The following CACNA1C variants were observed in gnomAD, a reference collection of about 807,000 sequenced individuals.
CACNA1C encodes the protein calcium voltage-gated channel subunit alpha1 C.
In CACNA1C, 30 loss-of-function variants were observed where a neutral mutation model predicts 229.0. That is an observed-to-expected ratio of 0.13 (90% CI 0.10 to 0.18). The LOEUF (loss-of-function observed/expected upper bound fraction) is 0.18. Among genes scored for constraint, CACNA1C ranks in the 10% least tolerant of loss-of-function variants. The pLI, the probability that CACNA1C is intolerant of heterozygous loss-of-function variation, is 1.00. For synonymous variants in CACNA1C, 1,114 were observed against 1,132.5 expected (o/e 0.98, Z 0.33); for missense variants, 1,658 against 2,845.0 (o/e 0.58, Z 9.49).
intron 7 of CACNA1C, among the ~76,000 whole-genome samples, chr12:2,501,545 C>T (rs990639146): frequency 3.9e-5 from 6 of 152,226 alleles, no homozygotes; most frequent in Non-Finnish European, 8.8e-5. Flanking sequence ...AATGACCTCA[C>T]GGTTCCCATC....
rs2097295552 is a variant in CACNA1C at position 2,354,414 on chromosome 12, C to T, written c.478-94562C>T. On this transcript the variant is annotated intron_variant, in intron 3 of 46. Transcript: ENST00000399655. This position sits in a 1 kb window ranked among gnomAD's most constrained non-coding sequence, Gnocchi z 4.6. The stretch of plus-strand genomic sequence containing the variant: ...ATCTTTCTTTAGAGGAGCGAAAACA[C>T]AGCTAGCCAGGGCTGCAGCTATGAC... Among the ~76,000 whole-genome samples, 1 of 152,148 alleles carries T rather than the reference C, an allele frequency of 6.6e-6. No individual in the cohort carries two copies.
At chr12:2,003,000 A>G (rs948089150) in intron 1 of CACNA1C, among the ~76,000 whole-genome samples, 2 of 152,196 alleles carry the variant, frequency 1.3e-5, no homozygotes, top group African/African-American at 2.4e-5. Context: ...TACACTTTCT[A>G]TTACAGAAGA....
intron 30 of CACNA1C, among the ~76,000 whole-genome samples, chr12:2,641,085 C>T (rs1453569364): frequency 6.6e-6 from 1 of 152,212 alleles, no homozygotes; most frequent in Admixed American, 6.5e-5. Flanking sequence ...CTGAGTGCCC[C>T]CCACTGCCCA....
intron 11 of CACNA1C, among the ~76,000 whole-genome samples, chr12:2,562,417 C>T (rs1219082193): frequency 2.0e-5 from 3 of 152,232 alleles, no homozygotes; most frequent in African/African-American, 7.2e-5. Context: ...GCAAACTTCA[C>T]TGTCAGCTCT....
At chr12:2,158,503 G>A (rs2095662458) in intron 3 of CACNA1C, among the ~76,000 whole-genome samples, 1 of 152,182 alleles carries the variant, frequency 6.6e-6, no homozygotes, top group Middle Eastern at 3.4e-3. Context: ...CTTGAGCCTG[G>A]GCGATGGAGC....
chr12:2,653,612 C>G lies in CACNA1C; in HGVS notation c.4075-223C>G, dbSNP rs2095241506. On this transcript the variant is annotated intron_variant, in intron 32 of 46. Transcript: ENST00000399655. This position sits in a 1 kb window ranked among gnomAD's most constrained non-coding sequence, Gnocchi z 4.7. ...GGTAGTGTCGCACTATATCGTTACT[C>G]TGCGGCCTGCTTTGAAAACCAAGCT... Among the ~76,000 whole-genome samples the G allele has an allele frequency of 6.6e-6, 1 of 152,194 alleles. No individual in the cohort carries two copies. Among genetic ancestry groups the G allele is most frequent in the South Asian group, 2.1e-4 (1 of 4,836 alleles).
chr12:2,655,333 G>T, intron 34 of CACNA1C, 95 bp downstream of exon 34: 1 of 747,484 alleles, frequency 1.3e-6, no homozygotes, highest in Non-Finnish European at 2.2e-6. Context: ...CTGCTTCCCG[G>T]GGAGTAGGAA....
At chr12:2,199,930 C>G (rs2097535580) in intron 3 of CACNA1C, among the ~76,000 whole-genome samples, 1 of 152,200 alleles carries the variant, frequency 6.6e-6, no homozygotes, top group African/African-American at 2.4e-5. Context: ...CCCAGCTCCT[C>G]ACTCCCAGGA....
intron 4 of CACNA1C, among the ~76,000 whole-genome samples, chr12:2,449,335 G>A (rs759633434): frequency 3.9e-5 from 6 of 152,178 alleles, no homozygotes; most frequent in Admixed American, 6.5e-5. Flanking sequence ...TGGGCTTCCC[G>A]CCTCGCAGGT....
At position 2,262,493 on chromosome 12, in the gene CACNA1C, C is replaced by T. The variant is rs372678110; in HGVS notation, c.477+142063C>T. Among the ~76,000 whole-genome samples the T allele has an allele frequency of 3.9e-5, 6 of 152,176 alleles. No homozygotes were observed. In the East Asian group the frequency reaches 5.8e-4, roughly 15 times the overall value. On this transcript the variant is annotated intron_variant, in intron 3 of 46. Transcript: ENST00000399655. ...AGTACAGTCTTCCCTGTGGCCAAGA[C>T]GGTGTCTTCAGCATCTGCAGTGGTG...
chr12:2,376,646 A>G (rs924567595), intron 3 of CACNA1C, among the ~76,000 whole-genome samples: 1 of 152,156 alleles, frequency 6.6e-6, no homozygotes, highest in African/African-American at 2.4e-5. Flanking sequence ...GAGCTGCAGT[A>G]TATTTCTGCT....
chr12:2,365,619 A>G (rs1229134987), intron 3 of CACNA1C, among the ~76,000 whole-genome samples: 3 of 152,238 alleles, frequency 2.0e-5, no homozygotes, highest in Admixed American at 2.0e-4. Flanking sequence ...TGTTGAAGAC[A>G]CAAAGTTGGG....
In CACNA1C at chr12:2,575,412, G is replaced by T. The variant is rs2058037493; in HGVS notation, c.1896-6178G>T. On this transcript the variant is annotated intron_variant, in intron 13 of 46. Coordinates refer to ENST00000399655, the MANE Select transcript of CACNA1C (RefSeq NM_000719.7). This position sits in a 1 kb window ranked among gnomAD's most constrained non-coding sequence, Gnocchi z 4.0. ...TCCTAATCCCTCCCAGCTCTATTGT[G>T]TCTTAAGGGGCTGGGGCTCAATTTG... is the stretch of plus-strand genomic sequence containing the variant. 6.6e-6 allele frequency among the ~76,000 whole-genome samples: 1 copy of T among 152,078 alleles called. No individual in the cohort carries two copies. The highest frequency in any genetic ancestry group is 1.5e-5 in the Non-Finnish European group (1 of 68,016).
intron 3 of CACNA1C, among the ~76,000 whole-genome samples, chr12:2,202,997 G>A (rs1308333692): frequency 1.3e-5 from 2 of 152,138 alleles, no homozygotes; most frequent in African/African-American, 2.4e-5. Flanking sequence ...TTTGTACACC[G>A]AAAGTTTTCT....
chr12:2,005,324 A>T (rs1385301051), intron 1 of CACNA1C, among the ~76,000 whole-genome samples: 1 of 151,752 alleles, frequency 6.6e-6, no homozygotes, highest in Admixed American at 6.5e-5. Context: ...AGTGTGTCAT[A>T]TTTGTCTCTA....
At chr12:2,153,197 G>C (rs989605217) in intron 3 of CACNA1C, among the ~76,000 whole-genome samples, 4 of 152,090 alleles carry the variant, frequency 2.6e-5, no homozygotes, top group Admixed American at 6.5e-5. Context: ...AAAGCCTATT[G>C]GGACTTGCCT....
Position 2,308,692 on chromosome 12 carries a change from A to G in CACNA1C, c.478-140284A>G, listed in dbSNP as rs372321449. On this transcript the variant is annotated intron_variant, in intron 3 of 46. Transcript: ENST00000399655. ...CAAATAACCTGATGGAAAAATGGGC[A>G]AAGGACCTGAAAAGACATTTTTCTA... Among the ~76,000 whole-genome samples the G allele has an allele frequency of 7.9e-5, 12 of 152,348 alleles. No homozygotes were observed. The South Asian group carries it at 2.5e-3, about 32-fold the overall frequency.
At position 2,194,059 on chromosome 12, in the gene CACNA1C, A is replaced by G. The variant is rs532322039; in HGVS notation, c.477+73629A>G. 7.2e-4 allele frequency among the ~76,000 whole-genome samples: 109 copies of G among 152,170 alleles called. 1 individual carries two copies. Among genetic ancestry groups the G allele is most frequent in the African/African-American group, 2.4e-3 (101 of 41,506 alleles). ...CCCAGGCAGTAAGAGGCTTCCTCTTAGAGTCAGCGGATTCCCACTGATGCA... is the reference window on the plus strand; with the variant it reads ...CCCAGGCAGTAAGAGGCTTCCTCTTGGAGTCAGCGGATTCCCACTGATGCA... On this transcript the variant is annotated intron_variant, in intron 3 of 46. Transcript: ENST00000399655.
At chr12:2,064,825 T>C (rs184728687) in intron 1 of CACNA1C, among the ~76,000 whole-genome samples, 146 of 152,314 alleles carry the variant, frequency 9.6e-4, no homozygotes, top group African/African-American at 3.4e-3. Context: ...TATCATCGGC[T>C]GCATTTCTGT....
Sources: gnomAD v4.1 joint callset for allele counts (sites outside exome capture counted in the v4.1 genomes callset) on GRCh38, gnomAD v4.1.1 for gene constraint, Gnocchi (gnomAD v3.1) non-coding constraint, MANE v1.5 for transcripts, NCBI Gene and HGNC (gene_info 2026-07-23, HGNC 2026-07-21) for gene names.